The following DCC variants were observed in gnomAD, a reference collection of about 807,000 sequenced individuals.
DCC encodes the protein netrin receptor DCC.
In DCC, 58 loss-of-function variants were observed where a neutral mutation model predicts 172.5. That is an observed-to-expected ratio of 0.34 (90% CI 0.27 to 0.42). DCC has a LOEUF of 0.42. DCC is among the 10% of genes least tolerant of loss of function. The pLI is 1.00. For synonymous variants in DCC, 709 were observed against 644.5 expected (o/e 1.10, Z -1.52); for missense variants, 1,740 against 1,791.0 (o/e 0.97, Z 0.51).
chr18:53,278,081 T>G (rs917381092), intron 12 of DCC, among the ~76,000 whole-genome samples: 2 of 152,128 alleles, frequency 1.3e-5, no homozygotes, highest in African/African-American at 4.8e-5. Context: ...AAAAATTAAA[T>G]ATATTCACAG....
At position 52,653,765 on chromosome 18, in the gene DCC, T is replaced by C. The variant is rs1465671822; in HGVS notation, c.92-98289T>C. 2.6e-5 allele frequency among the ~76,000 whole-genome samples: 4 copies of C among 152,282 alleles called. No individual in the cohort carries two copies. In the East Asian group the frequency reaches 7.7e-4, roughly 29 times the overall value. ...CCAGGTCCTTCACCTCAACTCTTAT[T>C]AGACAAAGGGTGCTGATTATTAATT... On this transcript the variant is annotated intron_variant, in intron 1 of 28. Coordinates refer to ENST00000442544, the MANE Select transcript of DCC (RefSeq NM_005215.4).
chr18:52,709,451 T>A (rs929743783), intron 1 of DCC, among the ~76,000 whole-genome samples: 1 of 152,166 alleles, frequency 6.6e-6, no homozygotes, highest in African/African-American at 2.4e-5. Flanking sequence ...CACAGGGGCA[T>A]GGCTCTAAAT....
chr18:52,494,510 C>A (rs2030665055), intron 1 of DCC, among the ~76,000 whole-genome samples: 1 of 151,868 alleles, frequency 6.6e-6, no homozygotes, highest in South Asian at 2.1e-4. Flanking sequence ...TATGTACTTT[C>A]CGATATTTTT....
intron 27 of DCC, among the ~76,000 whole-genome samples, chr18:53,504,155 C>G (rs980306355): frequency 2.0e-5 from 3 of 152,154 alleles, no homozygotes; most frequent in Non-Finnish European, 4.4e-5. Context: ...TTTTGGCAGG[C>G]CTTATTTCAG....
intron 15 of DCC, among the ~76,000 whole-genome samples, chr18:53,358,788 G>A (rs2057910939): frequency 2.6e-5 from 4 of 151,972 alleles, no homozygotes; most frequent in South Asian, 4.2e-4. Flanking sequence ...TCAAAGTCAT[G>A]GGACTACAGG....
chr18:52,835,115 G>A (rs1568133865), intron 2 of DCC, among the ~76,000 whole-genome samples: 1 of 152,268 alleles, frequency 6.6e-6, no homozygotes, highest in Admixed American at 6.5e-5. Flanking sequence ...TTGAATTTAG[G>A]TTATTTAACA....
chr18:52,593,922 A>G (rs2033855427), intron 1 of DCC, among the ~76,000 whole-genome samples: 1 of 152,228 alleles, frequency 6.6e-6, no homozygotes, highest in Admixed American at 6.5e-5. Flanking sequence ...CCTGAGGGAT[A>G]TAAACACACA....
chr18:52,571,330 A>G (rs2033287316), intron 1 of DCC, among the ~76,000 whole-genome samples: 1 of 151,918 alleles, frequency 6.6e-6, no homozygotes, highest in Admixed American at 6.6e-5. Context: ...ATCACCCTAT[A>G]TATATTACGG....
intron 5 of DCC, among the ~76,000 whole-genome samples, chr18:53,048,651 C>T (rs28893783): frequency 6.6e-6 from 1 of 150,494 alleles, no homozygotes; most frequent in South Asian, 2.1e-4. Context: ...TATATATACA[C>T]ATTCTTTTAT....
At chr18:53,500,571 TAATTATTTTA>T (rs147171004) in intron 27 of DCC, among the ~76,000 whole-genome samples, 1,862 of 151,902 alleles carry the variant, frequency 0.012, 26 homozygotes, top group African/African-American at 0.042. Flanking sequence ...GTATAAATAT[TAATTATTTTA>T]TATTAAGAAT....
rs1355139676 is a variant in DCC at position 53,343,297 on chromosome 18, C to T, written c.2359+3390C>T. ...TTTACCATGAAATAGGTTATTACCT[C>T]TGGTCTCTTTAAGCCTTTTGTGAGA... On this transcript the variant is annotated intron_variant, in intron 15 of 28. Transcript: ENST00000442544. 1.3e-5 allele frequency among the ~76,000 whole-genome samples: 2 copies of T among 152,074 alleles called. 1 individual carries two copies. The highest frequency in any genetic ancestry group is 4.1e-4 in the South Asian group (2 of 4,830).
chr18:52,861,350 T>C (rs1226604054), intron 2 of DCC, among the ~76,000 whole-genome samples: 1 of 152,206 alleles, frequency 6.6e-6, no homozygotes, highest in African/African-American at 2.4e-5. Context: ...TGGTCGTATC[T>C]GAAAATAAGC....
At chr18:53,333,510 A>G (rs1469237860) in intron 14 of DCC, among the ~76,000 whole-genome samples, 1 of 152,190 alleles carries the variant, frequency 6.6e-6, no homozygotes, top group African/African-American at 2.4e-5. Flanking sequence ...GACTGTTTGC[A>G]TTACCAAGAT....
At chr18:52,515,555 C>T (rs1323586550) in intron 1 of DCC, among the ~76,000 whole-genome samples, 2 of 128,994 alleles carry the variant, frequency 1.6e-5, no homozygotes, top group South Asian at 5.1e-4. Context: ...TGCAGTGAGC[C>T]GAGATAGTGC....
chr18:53,131,622 A>T (rs2144320685), intron 7 of DCC, among the ~76,000 whole-genome samples: 1 of 152,198 alleles, frequency 6.6e-6, no homozygotes, highest in East Asian at 1.9e-4. Context: ...ATAATCAAGA[A>T]CCTATGACAT....
intron 12 of DCC, among the ~76,000 whole-genome samples, chr18:53,279,166 T>A (rs556558607): frequency 6.6e-6 from 1 of 152,180 alleles, no homozygotes; most frequent in Non-Finnish European, 1.5e-5. Flanking sequence ...TGGCCAGTGA[T>A]GATGAACATT....
chr18:52,705,548 G>C (rs1599033922), intron 1 of DCC, among the ~76,000 whole-genome samples: 1 of 152,272 alleles, frequency 6.6e-6, no homozygotes, highest in African/African-American at 2.4e-5. Flanking sequence ...TCAAATGTTT[G>C]CAAGTAAGTA....
rs965042713 is a variant in DCC, at chr18:52,695,144, A to G, written c.92-56910A>G. 8.5e-5 allele frequency among the ~76,000 whole-genome samples: 13 copies of G among 152,212 alleles called. 1 individual carries two copies. Among genetic ancestry groups the G allele is most frequent in the Non-Finnish European group, 1.9e-4 (13 of 68,040 alleles). The stretch of plus-strand genomic sequence containing the variant: ...TTTCTTGCCTCTCATTCTCTCCTGC[A>G]TTATCTAGCATCATTCTGACACTGA... On this transcript the variant is annotated intron_variant, in intron 1 of 28. Coordinates refer to ENST00000442544, the MANE Select transcript of DCC (RefSeq NM_005215.4).
intron 1 of DCC, among the ~76,000 whole-genome samples, chr18:52,660,487 A>T (rs1365833985): frequency 6.6e-6 from 1 of 152,136 alleles, no homozygotes; most frequent in East Asian, 1.9e-4. Context: ...GCTCTGGTTC[A>T]AGTTTACTGT....
Sources: allele counts gnomAD v4.1 joint callset (sites outside exome capture counted in the v4.1 genomes callset), GRCh38; gene constraint gnomAD v4.1.1; transcripts MANE v1.5; gene names NCBI Gene and HGNC (gene_info 2026-07-23, HGNC 2026-07-21).